LINGO2: variants seen among roughly 807,000 people sequenced by gnomAD.
The protein encoded by LINGO2 is leucine rich repeat and Ig domain containing 2.
LINGO2 carries 14 observed loss-of-function variants against 30.6 expected under a neutral mutation model. The observed-to-expected ratio is 0.46, with a 90% CI of 0.30 to 0.72. The LOEUF (loss-of-function observed/expected upper bound fraction) is 0.72. Among genes scored for constraint, LINGO2 ranks in the 30% least tolerant of loss-of-function variants. LINGO2 has a pLI of 0.07. For missense variants in LINGO2, 729 were observed against 751.7 expected, an observed-to-expected ratio of 0.97 and a Z score of 0.35; for synonymous variants, 317 against 288.5, an observed-to-expected ratio of 1.10 and a Z score of -1.00.
chr9:28,402,419 A>G (rs1822309272), intron 2 of LINGO2, among the ~76,000 whole-genome samples: 1 of 152,154 alleles, frequency 6.6e-6, no homozygotes, highest in Non-Finnish European at 1.5e-5. Context: ...GAGATTAGAA[A>G]ATAAGAAATC....
chr9:28,087,578 G>A (rs1486650121), intron 4 of LINGO2, among the ~76,000 whole-genome samples: 1 of 151,878 alleles, frequency 6.6e-6, no homozygotes, highest in Non-Finnish European at 1.5e-5. Flanking sequence ...CCTATCTGGG[G>A]AATCTTTTCC....
the LINGO2 span, among the ~76,000 whole-genome samples, chr9:28,683,965 G>T: frequency 4.4e-4 from 67 of 152,100 alleles, no homozygotes; most frequent in African/African-American, 1.6e-3. Context: ...AGTATATGAG[G>T]ATTTATTAAG....
the LINGO2 span, among the ~76,000 whole-genome samples, chr9:29,154,173 G>A: frequency 1.3e-5 from 2 of 152,152 alleles, no homozygotes; most frequent in Non-Finnish European, 2.9e-5. Flanking sequence ...GGCCAGGCAC[G>A]GTGGCTCACA....
At chr9:28,842,433 G>A in the LINGO2 span, among the ~76,000 whole-genome samples, 3 of 151,766 alleles carry the variant, frequency 2.0e-5, no homozygotes, top group South Asian at 6.2e-4. Context: ...ACTTATTAAG[G>A]ATGAAAAAGA....
At chr9:28,531,162 C>G (rs1821224197) in intron 1 of LINGO2, among the ~76,000 whole-genome samples, 1 of 151,646 alleles carries the variant, frequency 6.6e-6, no homozygotes, top group Non-Finnish European at 1.5e-5. Flanking sequence ...AAGATTATTT[C>G]CAAGTAAACA....
chr9:29,098,726 G>C, the LINGO2 span, among the ~76,000 whole-genome samples: 1 of 151,976 alleles, frequency 6.6e-6, no homozygotes, highest in Non-Finnish European at 1.5e-5. Context: ...TTTATATTTG[G>C]GGAAATAAGA....
chr9:28,489,004 C>T lies in LINGO2; in HGVS notation c.-364-12979G>A, dbSNP rs1306139530. On this transcript the variant is annotated intron_variant, in intron 1 of 5. Transcript: ENST00000379992. ...AATAAATTATTTTTATTTGTTTAGC[C>T]AATGCTATTGAGACCGAGGCTTCAA... Among the ~76,000 whole-genome samples the T allele has an allele frequency of 2.0e-5, 3 of 151,986 alleles. No individual in the cohort carries two copies. In the South Asian group the frequency reaches 6.2e-4, roughly 32 times the overall value.
chr9:28,508,615 A>G (rs1820247565), intron 1 of LINGO2, among the ~76,000 whole-genome samples: 1 of 152,016 alleles, frequency 6.6e-6, no homozygotes, highest in Non-Finnish European at 1.5e-5. Context: ...TAACCCCCCA[A>G]TTTTGTCTTG....
intron 4 of LINGO2, among the ~76,000 whole-genome samples, chr9:28,186,364 T>C (rs532249388): frequency 2.8e-4 from 43 of 152,124 alleles, no homozygotes; most frequent in Non-Finnish European, 5.6e-4. Flanking sequence ...TAATTATAAA[T>C]GGGAAATGTG....
the LINGO2 span, among the ~76,000 whole-genome samples, chr9:28,959,411 A>G: frequency 6.6e-6 from 1 of 152,062 alleles, no homozygotes; most frequent in Non-Finnish European, 1.5e-5. Flanking sequence ...CCCAAATAAT[A>G]AAGGTACATG....
intron 4 of LINGO2, among the ~76,000 whole-genome samples, chr9:28,095,849 A>G (rs140538832): frequency 6.6e-6 from 1 of 152,208 alleles, no homozygotes; most frequent in Non-Finnish European, 1.5e-5. Context: ...CAATGAACTC[A>G]AACAAATTTA....
the LINGO2 span, among the ~76,000 whole-genome samples, chr9:29,048,169 C>T: frequency 6.6e-6 from 1 of 150,964 alleles, no homozygotes; most frequent in Admixed American, 6.6e-5. Context: ...TTCTATATGC[C>T]AACAATGAAA....
At chr9:28,780,640 C>A in the LINGO2 span, among the ~76,000 whole-genome samples, 1 of 152,074 alleles carries the variant, frequency 6.6e-6, no homozygotes, top group Non-Finnish European at 1.5e-5. Flanking sequence ...TACAGGTGAA[C>A]AGCTTCAGAT....
At chr9:29,095,222 A>T in the LINGO2 span, among the ~76,000 whole-genome samples, 1 of 138,866 alleles carries the variant, frequency 7.2e-6, no homozygotes, top group Admixed American at 7.3e-5. Context: ...AAGGACTAAA[A>T]GGAAAAAGAG....
intron 1 of LINGO2, among the ~76,000 whole-genome samples, chr9:28,579,089 G>A (rs796655288): frequency 2.7e-5 from 4 of 150,404 alleles, no homozygotes; most frequent in African/African-American, 9.8e-5. Flanking sequence ...CAGCTACACA[G>A]TATGTGTGAG....
At chr9:29,027,607 C>A in the LINGO2 span, among the ~76,000 whole-genome samples, 1 of 152,026 alleles carries the variant, frequency 6.6e-6, no homozygotes, top group Non-Finnish European at 1.5e-5. Context: ...CAGAGAGCTG[C>A]GATTACAGGC....
intron 2 of LINGO2, among the ~76,000 whole-genome samples, chr9:28,402,542 C>T (rs1822316306): frequency 6.6e-6 from 1 of 152,022 alleles, no homozygotes; most frequent in South Asian, 2.1e-4. Context: ...TGCCTCCTAT[C>T]TTCTCTGCCC....
chr9:29,010,780 G>A, the LINGO2 span, among the ~76,000 whole-genome samples: 2 of 152,096 alleles, frequency 1.3e-5, no homozygotes, highest in Non-Finnish European at 2.9e-5. Context: ...AGTGCCTCAG[G>A]AGGCTGAGGC....
At chr9:28,645,962 AT>A (rs1827822896) in intron 1 of LINGO2, among the ~76,000 whole-genome samples, 1 of 152,110 alleles carries the variant, frequency 6.6e-6, no homozygotes, top group Admixed American at 6.6e-5. Context: ...AATTTTAACT[AT>A]TTACCTAAGT....
Sources: allele counts gnomAD v4.1 joint callset (sites outside exome capture counted in the v4.1 genomes callset), GRCh38; gene constraint gnomAD v4.1.1; transcripts MANE v1.5; gene names NCBI Gene and HGNC (gene_info 2026-07-23, HGNC 2026-07-21).